LDLRAD4: variants seen among roughly 807,000 people sequenced by gnomAD.
The protein encoded by LDLRAD4 is low-density lipoprotein receptor class A domain-containing protein 4.
Under a neutral mutation model 17.0 loss-of-function variants are expected in LDLRAD4, and 5 were observed. The observed-to-expected ratio is 0.29, with a 90% CI of 0.15 to 0.62. The LOEUF is 0.62. Ranked by LOEUF, LDLRAD4 falls within the 20% of genes least tolerant of loss-of-function variation. The pLI, the probability that LDLRAD4 is intolerant of heterozygous loss-of-function variation, is 0.84. For missense variants in LDLRAD4, 340 were observed against 424.7 expected (o/e 0.80, Z 1.75); for synonymous variants, 168 against 171.8 (o/e 0.98, Z 0.17).
At chr18:13,419,267 G>A (rs1165942279) in intron 2 of LDLRAD4, among the ~76,000 whole-genome samples, 2 of 152,088 alleles carry the variant, frequency 1.3e-5, no homozygotes, top group African/African-American at 2.4e-5. Flanking sequence ...TAATTTTTGT[G>A]TCATTTTACA....
intron 1 of LDLRAD4, among the ~76,000 whole-genome samples, chr18:13,378,393 G>A (rs995170595): frequency 2.0e-5 from 3 of 152,066 alleles, no homozygotes; most frequent in Non-Finnish European, 2.9e-5. Context: ...GCCATCTTTC[G>A]TTCTCAGGGC....
chr18:13,438,117 T>C, intron 2 of LDLRAD4, 127 bp from the exon 4 acceptor site: 1 of 839,894 alleles, frequency 1.2e-6, no homozygotes, highest in Non-Finnish European at 2.0e-6. Context: ...TCCTGGGCTC[T>C]CCAGATAGTC....
At chr18:13,545,156 A>G (rs2094343343) in intron 3 of LDLRAD4, among the ~76,000 whole-genome samples, 1 of 151,668 alleles carries the variant, frequency 6.6e-6, no homozygotes, top group African/African-American at 2.4e-5. Context: ...ATTGCAGGGG[A>G]TCTCTGGGAT....
intron 3 of LDLRAD4, among the ~76,000 whole-genome samples, chr18:13,579,697 A>G (rs2094829176): frequency 6.6e-6 from 1 of 152,228 alleles, no homozygotes; most frequent in African/African-American, 2.4e-5. Context: ...TGTAAATAGC[A>G]TTGAAATGCC....
At position 13,464,557 on chromosome 18, in the gene LDLRAD4, T is replaced by C. The variant is rs73406357; in HGVS notation, c.181+26173T>C. Among the ~76,000 whole-genome samples, 756 of 152,306 alleles carry C rather than the reference T, an allele frequency of 5.0e-3. 7 individuals carry two copies. The highest frequency in any genetic ancestry group is 0.016 in the African/African-American group (680 of 41,568). ...CTTAGATCAGGTCTTCCTTTTTCTTTACACAAGTGGATAGCAGATGTGACA... is the reference window on the plus strand; with the variant it reads ...CTTAGATCAGGTCTTCCTTTTTCTTCACACAAGTGGATAGCAGATGTGACA... On this transcript the variant is annotated intron_variant, in intron 3 of 5. Transcript: ENST00000359446.
At chr18:13,527,526 C>T (rs76235378) in intron 3 of LDLRAD4, among the ~76,000 whole-genome samples, 1 of 152,224 alleles carries the variant, frequency 6.6e-6, no homozygotes, top group East Asian at 1.9e-4. Flanking sequence ...TAGCTCCAGG[C>T]TGACCCAATG....
intron 3 of LDLRAD4, among the ~76,000 whole-genome samples, chr18:13,450,341 A>G (rs2091749352): frequency 9.8e-6 from 1 of 101,700 alleles, no homozygotes; most frequent in African/African-American, 3.5e-5. Context: ...CCCCCCCAAA[A>G]AAACACACAA....
At chr18:13,619,741 T>A (rs2040438412) in intron 3 of LDLRAD4, among the ~76,000 whole-genome samples, 1 of 152,094 alleles carries the variant, frequency 6.6e-6, no homozygotes, top group Non-Finnish European at 1.5e-5. Flanking sequence ...GCTCAGGGCA[T>A]GGCCTCTGAG....
At chr18:13,590,283 G>A (rs1490452644) in intron 3 of LDLRAD4, among the ~76,000 whole-genome samples, 1 of 151,250 alleles carries the variant, frequency 6.6e-6, no homozygotes, top group Non-Finnish European at 1.5e-5. Context: ...TGCATATGGA[G>A]TGTGGGGGAG....
At chr18:13,499,845 A>C (rs1405689713) in intron 3 of LDLRAD4, among the ~76,000 whole-genome samples, 4 of 152,216 alleles carry the variant, frequency 2.6e-5, no homozygotes, top group Non-Finnish European at 4.4e-5. Context: ...CCTGCTGTGA[A>C]AACCTCCACG....
chr18:13,556,660 G>A (rs2094487067), intron 3 of LDLRAD4, among the ~76,000 whole-genome samples: 1 of 152,200 alleles, frequency 6.6e-6, no homozygotes, highest in Non-Finnish European at 1.5e-5. Flanking sequence ...TGAGGGAAAG[G>A]GAGTGTCCAT....
chr18:13,592,760 T>C (rs927518451), intron 3 of LDLRAD4, among the ~76,000 whole-genome samples: 3 of 152,166 alleles, frequency 2.0e-5, no homozygotes, highest in Non-Finnish European at 4.4e-5. Context: ...GATAAAAAAA[T>C]ATAATTTGTA....
rs2046520284 is a variant in LDLRAD4 at position 13,300,331 on chromosome 18, C to T, written c.-383+22143C>T. ...TGCCTCAGCCACAAGGCCACCTCAC[C>T]AGGCAGAACAGATGGCAGTGGTGAG... On this transcript the variant is annotated intron_variant, in intron 1 of 5. Transcript: ENST00000359446. This position sits in a 1 kb window ranked among gnomAD's most constrained non-coding sequence, Gnocchi z 4.2. Among the ~76,000 whole-genome samples the T allele has an allele frequency of 6.6e-6, 1 of 152,256 alleles. No individual in the cohort carries two copies. Among genetic ancestry groups the T allele is most frequent in the South Asian group, 2.1e-4 (1 of 4,828 alleles).
intron 1 of LDLRAD4, among the ~76,000 whole-genome samples, chr18:13,244,384 C>T (rs2042854343): frequency 6.6e-6 from 1 of 152,080 alleles, no homozygotes; most frequent in African/African-American, 2.4e-5. Context: ...TCCTAACATC[C>T]ACCCACTGAT....
intron 1 of LDLRAD4, among the ~76,000 whole-genome samples, chr18:13,257,553 G>A (rs913898956): frequency 6.6e-6 from 1 of 152,232 alleles, no homozygotes; most frequent in Admixed American, 6.5e-5. Context: ...TGGGGTGGCA[G>A]CCTGGGCTTC....
At chr18:13,228,208 A>T (rs971362818) in intron 1 of LDLRAD4, among the ~76,000 whole-genome samples, 2 of 151,972 alleles carry the variant, frequency 1.3e-5, no homozygotes, top group African/African-American at 4.8e-5. Context: ...GTGGAGATGG[A>T]GTGTGCTGAA....
At chr18:13,426,499 G>A (rs763168285) in intron 2 of LDLRAD4, among the ~76,000 whole-genome samples, 1 of 151,542 alleles carries the variant, frequency 6.6e-6, no homozygotes, top group Non-Finnish European at 1.5e-5. Context: ...GCCCAGTAGC[G>A]GGGCTGGTTC....
chr18:13,305,414 C>T (rs556131197), intron 1 of LDLRAD4, among the ~76,000 whole-genome samples: 1 of 152,330 alleles, frequency 6.6e-6, no homozygotes, highest in East Asian at 1.9e-4. Flanking sequence ...TCAGTATCCA[C>T]TTAAGACACT....
At chr18:13,379,528 C>T (rs972702424) in intron 1 of LDLRAD4, among the ~76,000 whole-genome samples, 11 of 152,346 alleles carry the variant, frequency 7.2e-5, no homozygotes, top group African/African-American at 2.4e-4. Context: ...ATCTGGGCCC[C>T]ATGGTGACAG....
Sources: allele counts gnomAD v4.1 joint callset (sites outside exome capture counted in the v4.1 genomes callset), GRCh38; gene constraint gnomAD v4.1.1; non-coding constraint Gnocchi (gnomAD v3.1); transcripts MANE v1.5; gene names NCBI Gene and HGNC (gene_info 2026-07-23, HGNC 2026-07-21).